NFAT5: variants seen among roughly 807,000 people sequenced by gnomAD.
NFAT5 encodes the protein nuclear factor of activated T cells 5, also known as nuclear factor of activated T-cells 5.
Under a neutral mutation model 166.5 loss-of-function variants are expected in NFAT5, and 31 were observed. That is an observed-to-expected ratio of 0.19 (90% CI 0.14 to 0.25). The LOEUF (loss-of-function observed/expected upper bound fraction) is 0.25, where lower values mean the gene tolerates loss of function less well. Ranked by LOEUF, NFAT5 falls within the 10% of genes least tolerant of loss-of-function variation. NFAT5 has a pLI of 1.00. For missense variants in NFAT5, 1,449 were observed against 1,821.8 expected (o/e 0.80, Z 3.72); for synonymous variants, 612 against 639.7 (o/e 0.96, Z 0.65).
rs2037622928 is a variant in NFAT5 at position 69,693,177 on chromosome 16, G to A, written c.3352G>A (p.Val1118Ile). The part of the protein sequence containing the change: ...GSLFHSPNPI[V>I]HSQTSTTSSE... ...TCTCTTTCATAGTCCAAATCCTATTGTCCACAGTCAGACTTCTACAACCTC... is the reference window on the plus strand; with the variant it reads ...TCTCTTTCATAGTCCAAATCCTATTATCCACAGTCAGACTTCTACAACCTC... Residue 1118 changes from valine to isoleucine, a missense_variant, in exon 13 of 15, where the codon GTC becomes ATC. Val to Ile is a conservative substitution (Grantham distance 29). Transcript: ENST00000349945. 4 of 1,613,932 alleles carry A rather than the reference G, an allele frequency of 2.5e-6. No individual in the cohort carries two copies. Among genetic ancestry groups the A allele is most frequent in the Non-Finnish European group, 2.5e-6 (3 of 1,180,018 alleles).
At chr16:69,611,754 G>A (rs111514238) in intron 2 of NFAT5, among the ~76,000 whole-genome samples, 4 of 152,140 alleles carry the variant, frequency 2.6e-5, no homozygotes, top group African/African-American at 9.7e-5. Flanking sequence ...TTCCTAAAAG[G>A]CCCCACCTCT....
intron 3 of NFAT5, chr16:69,644,702 A>C (rs1487171994): frequency 2.5e-5 from 8 of 317,750 alleles, no homozygotes; most frequent in Non-Finnish European, 5.0e-5. Flanking sequence ...GAACAAGACA[A>C]GGTTATATCG....
rs1485154075 is a variant in NFAT5, at chr16:69,692,788, C to T, written c.2963C>T (p.Thr988Ile). Residue 988 changes from threonine (T) to isoleucine (I), a missense_variant, in exon 13 of 15, where the codon ACC becomes ATC. Transcript: ENST00000349945. The part of the protein sequence containing the change: ...AVSGNETSTT[T>I]TQQVATPGTT... ...TCTGGAAATGAAACTTCTACAACTA[C>T]CACACAGCAGGTTGCAACCCCTGGC... 6.2e-7 allele frequency: 1 copy of T among 1,614,184 alleles called. No individual in the cohort carries two copies. Among genetic ancestry groups the T allele is most frequent in the Non-Finnish European group, 8.5e-7 (1 of 1,180,030 alleles).
At chr16:69,580,375 A>C (rs1235159396) in intron 2 of NFAT5, among the ~76,000 whole-genome samples, 3 of 151,876 alleles carry the variant, frequency 2.0e-5, no homozygotes, top group Non-Finnish European at 4.4e-5. Flanking sequence ...TAAAAAATAC[A>C]AAAAAATTAG....
intron 2 of NFAT5, among the ~76,000 whole-genome samples, chr16:69,618,479 T>C (rs543167349): frequency 5.3e-5 from 8 of 152,336 alleles, no homozygotes; most frequent in African/African-American, 1.9e-4. Flanking sequence ...CCAGTAGAGA[T>C]GCCAAGTATG....
chr16:69,672,316 C>T (rs2036656112), intron 9 of NFAT5, among the ~76,000 whole-genome samples: 1 of 152,196 alleles, frequency 6.6e-6, no homozygotes, highest in South Asian at 2.1e-4. Context: ...AGTTTTAATA[C>T]CTGCTTTGTC....
Position 69,694,052 on chromosome 16 carries a change from A to G in NFAT5, c.4227A>G (p.Gln1409=). Residue 1409 remains glutamine, a synonymous_variant, in exon 13 of 15, where the codon CAA becomes CAG. Transcript: ENST00000349945. The stretch of plus-strand genomic sequence containing the variant: ...CCTTGCAGACCAGTATAAATCAACA[A>G]GATATGCAACAGTCTCCTCTTTATT... ...MSALQTSINQ[Q]DMQQSPLYSP... The G allele has an allele frequency of 6.2e-7, 1 of 1,614,168 alleles. No homozygotes were observed. Among genetic ancestry groups the G allele is most frequent in the Non-Finnish European group, 8.5e-7 (1 of 1,180,026 alleles).
Position 69,693,352 on chromosome 16 carries a change from A to T in NFAT5, c.3527A>T (p.Glu1176Val). Reference sequence around the variant, plus strand: ...CTTCAGACTAACACAGTAGCCCAAGAAGCATTTTTTGCAGCACCGAACTCA... The same window carrying T: ...CTTCAGACTAACACAGTAGCCCAAGTAGCATTTTTTGCAGCACCGAACTCA... ...NNLQTNTVAQ[E>V]AFFAAPNSIS... Residue 1176 changes from glutamate (E) to valine (V), a missense_variant, in exon 13 of 15, where the codon GAA (glutamate) becomes GTA (valine). Glu to Val is a moderately radical substitution (Grantham distance 121). Transcript: ENST00000349945. 1.2e-6 allele frequency: 2 copies of T among 1,614,168 alleles called. No individual in the cohort carries two copies. Among genetic ancestry groups the T allele is most frequent in the Non-Finnish European group, 1.7e-6 (2 of 1,180,034 alleles).
intron 2 of NFAT5, among the ~76,000 whole-genome samples, chr16:69,571,798 C>T (rs949905639): frequency 2.6e-5 from 4 of 151,386 alleles, no homozygotes; most frequent in Non-Finnish European, 5.9e-5. Flanking sequence ...TTTGCTCTGT[C>T]GCCCAGGTTG....
intron 2 of NFAT5, among the ~76,000 whole-genome samples, chr16:69,575,608 A>G (rs2016701224): frequency 6.6e-6 from 1 of 152,026 alleles, no homozygotes; most frequent in Non-Finnish European, 1.5e-5. Context: ...ACAGAGCAAG[A>G]CCCTGTCTTA....
intron 10 of NFAT5, among the ~76,000 whole-genome samples, chr16:69,683,392 C>T (rs2037151921): frequency 6.6e-6 from 1 of 151,758 alleles, no homozygotes; most frequent in African/African-American, 2.4e-5. Flanking sequence ...ATTAGACTGG[C>T]GTGGTGGCGT....
intron 2 of NFAT5, among the ~76,000 whole-genome samples, chr16:69,587,722 G>A (rs1567521120): frequency 6.6e-6 from 1 of 151,986 alleles, no homozygotes; most frequent in African/African-American, 2.4e-5. Flanking sequence ...AACTACTAAA[G>A]CATTTTCTAT....
Position 69,691,020 on chromosome 16 carries a change from A to G in NFAT5, c.1855A>G (p.Met619Val), listed in dbSNP as rs1251066522. ...GATGACTCCACTCATACCAAGCAGT[A>G]TGATTAAGAGTGAAGATGTTACTCC... ...ALMTPLIPSS[M>V]IKSEDVTPME... Residue 619 changes from methionine (M) to valine (V), a missense_variant, in exon 12 of 15, where the codon ATG becomes GTG. Transcript: ENST00000349945. The G allele has an allele frequency of 3.1e-6, 5 of 1,609,692 alleles. No individual in the cohort carries two copies. Among genetic ancestry groups the G allele is most frequent in the East Asian group, 2.2e-5 (1 of 44,720 alleles).
chr16:69,649,251 G>A (rs1371156074), intron 4 of NFAT5: 20 of 953,358 alleles, frequency 2.1e-5, no homozygotes, highest in Non-Finnish European at 2.5e-5. Context: ...GTGTTTATTT[G>A]TGCTTTAGTG....
intron 12 of NFAT5, 104 bp from the exon 13 acceptor site, chr16:69,691,645 G>T: frequency 2.4e-6 from 2 of 826,932 alleles, no homozygotes; most frequent in Non-Finnish European, 3.8e-6. Context: ...AGAGTGGAAA[G>T]CTGGTCCTGC....
At chr16:69,645,072 TTTTTTCTAA>T (rs1178273162) in intron 3 of NFAT5, among the ~76,000 whole-genome samples, 2 of 152,174 alleles carry the variant, frequency 1.3e-5, no homozygotes, top group Non-Finnish European at 2.9e-5. Flanking sequence ...ACCTTTTCTA[TTTTTTCTAA>T]AATGAATTCT....
At chr16:69,674,939 A>G (rs2036772730) in intron 9 of NFAT5, among the ~76,000 whole-genome samples, 1 of 152,100 alleles carries the variant, frequency 6.6e-6, no homozygotes, top group Non-Finnish European at 1.5e-5. Flanking sequence ...AAGCCTCCCA[A>G]CCCTTTGTAT....
At position 69,655,774 on chromosome 16, in the gene NFAT5, G is replaced by A; in HGVS notation, c.1171G>A (p.Asp391Asn). ...EGTTVIEVGL[D>N]PSNNMTLAVD... The stretch of plus-strand genomic sequence containing the variant: ...CACTACTGTTATAGAAGTCGGCCTT[G>A]ATCCTAGCAACAACATGACACTGGC... The change falls in exon 6 of 15, where the codon GAT becomes AAT. Residue 391 changes from aspartate (D) to asparagine (N), a missense_variant. Physicochemically the swap from Asp to Asn is conservative, Grantham distance 23. Coordinates refer to ENST00000349945, the MANE Select transcript of NFAT5 (RefSeq NM_138713.4). 1.2e-6 allele frequency: 2 copies of A among 1,613,082 alleles called. No individual in the cohort carries two copies. Among genetic ancestry groups the A allele is most frequent in the Non-Finnish European group, 1.7e-6 (2 of 1,179,390 alleles).
chr16:69,614,308 C>G (rs1048096423), intron 2 of NFAT5, among the ~76,000 whole-genome samples: 2 of 152,144 alleles, frequency 1.3e-5, no homozygotes, highest in African/African-American at 4.8e-5. Flanking sequence ...GCACGAGCCA[C>G]CACGCTCGGC....
Sources: gnomAD v4.1 joint callset for allele counts (sites outside exome capture counted in the v4.1 genomes callset) on GRCh38, gnomAD v4.1.1 for gene constraint, MANE v1.5 for transcripts, NCBI Gene and HGNC (gene_info 2026-07-23, HGNC 2026-07-21) for gene names.